The following PTPRD variants were observed in gnomAD, a reference collection of about 807,000 sequenced individuals.
PTPRD encodes the protein protein tyrosine phosphatase receptor type D, also known as receptor-type tyrosine-protein phosphatase delta.
Under a neutral mutation model 214.5 loss-of-function variants are expected in PTPRD, and 34 were observed. That is an observed-to-expected ratio of 0.16 (90% confidence interval 0.12 to 0.21). The LOEUF (loss-of-function observed/expected upper bound fraction) is 0.21. Among genes scored for constraint, PTPRD ranks in the 10% least tolerant of loss-of-function variants. The pLI is 1.00. For missense variants in PTPRD, 2,545 were observed against 2,398.7 expected, an observed-to-expected ratio of 1.06 and a Z score of -1.27; for synonymous variants, 1,128 against 845.7, an observed-to-expected ratio of 1.33 and a Z score of -5.79.
chr9:10,132,704 T>C (rs2098905445), intron 3 of PTPRD, among the ~76,000 whole-genome samples: 1 of 152,198 alleles, frequency 6.6e-6, no homozygotes, highest in African/African-American at 2.4e-5. Context: ...ATCAGGTAAG[T>C]GGAAGCCCAT....
At chr9:8,325,018 T>G (rs964939321) in intron 44 of PTPRD, among the ~76,000 whole-genome samples, 38 of 151,888 alleles carry the variant, frequency 2.5e-4, no homozygotes, top group African/African-American at 8.5e-4. Flanking sequence ...GATGGATAGA[T>G]AGCAAAAATT....
At chr9:10,481,590 A>G (rs1290377874) in intron 2 of PTPRD, among the ~76,000 whole-genome samples, 1 of 152,218 alleles carries the variant, frequency 6.6e-6, no homozygotes, top group East Asian at 1.9e-4. Context: ...AAGTTAAAAT[A>G]TAGTTTTTGA....
At position 10,039,504 on chromosome 9, in the gene PTPRD, G is replaced by A. The variant is rs1442030480; in HGVS notation, c.-544-5714C>T. ...AATTAAAATGGTGAAAGTTACACAA[G>A]TAAGCTAGATTACTACTATGTATTC... On this transcript the variant is annotated intron_variant, in intron 3 of 45. Coordinates refer to ENST00000381196, the MANE Select transcript of PTPRD (RefSeq NM_002839.4). Among the ~76,000 whole-genome samples the A allele has an allele frequency of 3.3e-5, 5 of 152,034 alleles. No individual in the cohort carries two copies. In the East Asian group the frequency reaches 9.6e-4, roughly 29 times the overall value.
At chr9:9,874,749 T>G (rs2066395571) in intron 5 of PTPRD, among the ~76,000 whole-genome samples, 1 of 152,200 alleles carries the variant, frequency 6.6e-6, no homozygotes. Context: ...TCACGTGAAT[T>G]AATGCTTATT....
At chr9:8,911,996 T>A (rs570918235) in intron 11 of PTPRD, among the ~76,000 whole-genome samples, 1 of 152,246 alleles carries the variant, frequency 6.6e-6, no homozygotes, top group African/African-American at 2.4e-5. Flanking sequence ...TCAAAAAGAC[T>A]AACAGTAACA....
At chr9:9,267,988 C>T (rs1940878645) in intron 9 of PTPRD, among the ~76,000 whole-genome samples, 1 of 151,050 alleles carries the variant, frequency 6.6e-6, no homozygotes, top group Non-Finnish European at 1.5e-5. Context: ...TGTCCACTCT[C>T]GCCACTTCTA....
intron 7 of PTPRD, among the ~76,000 whole-genome samples, chr9:9,689,882 A>T (rs1385331567): frequency 2.0e-5 from 3 of 151,846 alleles, no homozygotes; most frequent in Non-Finnish European, 4.4e-5. Context: ...CCATTCATCC[A>T]TTACTAGGCA....
At position 9,163,796 on chromosome 9, in the gene PTPRD, G is replaced by T. The variant is rs1030927964; in HGVS notation, c.-143+19508C>A. The stretch of plus-strand genomic sequence containing the variant: ...CAGCATCCTCAAATTCTGTTGTCCA[G>T]ATATACTGAACTCCCACCAGTTCTT... On this transcript the variant is annotated intron_variant, in intron 10 of 45. Transcript: ENST00000381196. Among the ~76,000 whole-genome samples, 15 of 152,178 alleles carry T rather than the reference G, an allele frequency of 9.9e-5. 1 individual carries two copies. Among genetic ancestry groups the T allele is most frequent in the Non-Finnish European group, 2.1e-4 (14 of 68,032 alleles).
intron 11 of PTPRD, among the ~76,000 whole-genome samples, chr9:8,879,273 A>T (rs1448449827): frequency 6.6e-6 from 1 of 152,170 alleles, no homozygotes; most frequent in African/African-American, 2.4e-5. Context: ...TGTTCCTGTT[A>T]TCCTGGTTTC....
chr9:8,926,793 A>C (rs1177691597), intron 11 of PTPRD, among the ~76,000 whole-genome samples: 6 of 152,342 alleles, frequency 3.9e-5, no homozygotes, highest in Non-Finnish European at 7.4e-5. Context: ...ATTCTTTCTG[A>C]AAACATCTCT....
chr9:8,372,120 TCTCA>T (rs1435469011), intron 39 of PTPRD, among the ~76,000 whole-genome samples: 2 of 152,062 alleles, frequency 1.3e-5, no homozygotes, highest in Admixed American at 6.6e-5. Flanking sequence ...ACATGTTCTC[TCTCA>T]CTGAGAAAAG....
Position 9,088,581 on chromosome 9 carries a change from G to GAAAAAAAAAAAAAAAAAAAAA in PTPRD, c.-142-69867_-142-69847dup, listed in dbSNP as rs533619970. ...GGCGACAGAGTGAGACTTAGTCTCA[G>GAAAAAAAAAAAAAAAAAAAAA]AAAAAAAAAAAAAAAAAAAAAAAAA... On this transcript the variant is annotated intron_variant, in intron 10 of 45. Coordinates refer to ENST00000381196, the MANE Select transcript of PTPRD (RefSeq NM_002839.4). 1.2e-4 allele frequency among the ~76,000 whole-genome samples: 4 copies of GAAAAAAAAAAAAAAAAAAAAA among 33,036 alleles called. 1 individual carries two copies. Among genetic ancestry groups the GAAAAAAAAAAAAAAAAAAAAA allele is most frequent in the African/African-American group, 3.8e-4 (4 of 10,620 alleles). 21.7% of individuals were successfully genotyped at this position (33,036 alleles called of 152,430 possible).
intron 5 of PTPRD, among the ~76,000 whole-genome samples, chr9:9,876,961 A>G (rs535852051): frequency 3.9e-5 from 6 of 152,186 alleles, no homozygotes; most frequent in Non-Finnish European, 7.4e-5. Context: ...AGAAAACATA[A>G]GTTGCCTGTA....
intron 11 of PTPRD, among the ~76,000 whole-genome samples, chr9:8,898,431 A>T (rs905647320): frequency 7.9e-5 from 12 of 152,144 alleles, no homozygotes; most frequent in Non-Finnish European, 7.4e-5. Flanking sequence ...CTGTTCTCTC[A>T]TTCTACTCTT....
chr9:10,133,936 G>T (rs1339479015), intron 3 of PTPRD, among the ~76,000 whole-genome samples: 1 of 152,026 alleles, frequency 6.6e-6, no homozygotes, highest in East Asian at 1.9e-4. Context: ...TAAATGAGGG[G>T]TGTTGCTATA....
chr9:8,632,578 G>A (rs959528957), intron 14 of PTPRD, among the ~76,000 whole-genome samples: 52 of 152,004 alleles, frequency 3.4e-4, no homozygotes, highest in Middle Eastern at 3.4e-3. Flanking sequence ...GGGAATGTTC[G>A]TATCTCTATA....
intron 19 of PTPRD, among the ~76,000 whole-genome samples, chr9:8,522,864 C>T (rs1321944886): frequency 2.0e-5 from 3 of 152,064 alleles, no homozygotes; most frequent in Admixed American, 2.0e-4. Flanking sequence ...TATAAATAAA[C>T]TGATAAGTAA....
chr9:8,923,742 A>AAACACAT (rs2098844326), intron 11 of PTPRD, among the ~76,000 whole-genome samples: 1 of 152,198 alleles, frequency 6.6e-6, no homozygotes, highest in Admixed American at 6.5e-5. Context: ...TTCTGTTTAT[A>AAACACAT]AACACATGCT....
intron 9 of PTPRD, among the ~76,000 whole-genome samples, chr9:9,282,082 A>G (rs1184178773): frequency 6.7e-6 from 1 of 148,976 alleles, no homozygotes. Context: ...AAAAGTATCA[A>G]TAGTTACCCA....
Sources: allele counts gnomAD v4.1 joint callset (sites outside exome capture counted in the v4.1 genomes callset), GRCh38; gene constraint gnomAD v4.1.1; transcripts MANE v1.5; gene names NCBI Gene and HGNC (gene_info 2026-07-23, HGNC 2026-07-21).